Variants in AOAH observed in about 807,000 individuals in gnomAD.
The protein encoded by AOAH is acyloxyacyl hydrolase (neutrophil).
In AOAH, 64 loss-of-function variants were observed where a neutral mutation model predicts 92.2. The ratio of observed to expected loss-of-function variants is 0.69; its 90% CI spans 0.57 to 0.86. AOAH has a LOEUF of 0.86. Ranked by LOEUF, AOAH falls within the 40% of genes least tolerant of loss-of-function variation. AOAH has a pLI of 0.00. For missense variants in AOAH, 656 were observed against 694.6 expected (o/e 0.94, Z 0.62); for synonymous variants, 263 against 254.5 (o/e 1.03, Z -0.32).
rs186914603 is a variant in AOAH, at chr7:36,532,255, C to A, written c.1365+31G>T. On this transcript the variant is annotated intron_variant, in intron 17 of 20. Coordinates refer to ENST00000617537, the MANE Select transcript of AOAH (RefSeq NM_001637.4). ...ATTACAGAGGATCAGGGTAGGTAAG[C>A]GGGCCTTGAAGCAAGCCAGTGAGTG... 3.1e-6 allele frequency: 5 copies of A among 1,613,962 alleles called. No homozygotes were observed. In the African/African-American group the frequency reaches 5.3e-5, roughly 17 times the overall value.
chr7:36,585,715 C>T (rs918460193), intron 12 of AOAH, among the ~76,000 whole-genome samples: 1 of 152,100 alleles, frequency 6.6e-6, no homozygotes, highest in South Asian at 2.1e-4. Flanking sequence ...AATATGATAG[C>T]CTTTATGGGA....
In AOAH at chr7:36,595,309, G is replaced by C. The variant is rs563839978; in HGVS notation, c.847-879C>G. Among the ~76,000 whole-genome samples the C allele has an allele frequency of 4.6e-5, 7 of 152,296 alleles. No individual in the cohort carries two copies. The East Asian group carries it at 1.4e-3, about 29-fold the overall frequency. ...AGCACTTTGGGAGGCTGAAGCAGGAGGACTGCTTGAGCCTAGGAGTTTGAG... is the reference window on the plus strand; with the variant it reads ...AGCACTTTGGGAGGCTGAAGCAGGACGACTGCTTGAGCCTAGGAGTTTGAG... On this transcript the variant is annotated intron_variant, in intron 11 of 20. Coordinates refer to ENST00000617537, the MANE Select transcript of AOAH (RefSeq NM_001637.4).
At chr7:36,640,111 T>C (rs1189601704) in intron 4 of AOAH, among the ~76,000 whole-genome samples, 1 of 151,668 alleles carries the variant, frequency 6.6e-6, no homozygotes, top group Non-Finnish European at 1.5e-5. Context: ...TTGGTGCACA[T>C]GGGGGTGGCA....
rs868766254 is a variant in AOAH, at chr7:36,684,947, A to G, written c.223+1752T>C. Among the ~76,000 whole-genome samples, 5 of 83,456 alleles carry G rather than the reference A, an allele frequency of 6.0e-5. No individual in the cohort carries two copies. In the South Asian group the frequency reaches 1.5e-3, roughly 25 times the overall value. The allele number at this position is 83,456 out of a possible 152,430, so 54.8% of individuals were successfully genotyped here. The stretch of plus-strand genomic sequence containing the variant: ...AAAAAAAAAAAAAAAAAAGAAGAAG[A>G]AGAAGAAGAAGAAGAAGAGAGAAAA... On this transcript the variant is annotated intron_variant, in intron 2 of 20. Coordinates refer to ENST00000617537, the MANE Select transcript of AOAH (RefSeq NM_001637.4).
intron 18 of AOAH, 45 bp downstream of exon 18, chr7:36,532,102 A>G: frequency 1.9e-6 from 3 of 1,606,992 alleles, no homozygotes; most frequent in Non-Finnish European, 1.7e-6. Context: ...AAACACAGGG[A>G]AAGAATGATC....
At chr7:36,525,572 G>A (rs1242365985) in intron 19 of AOAH, among the ~76,000 whole-genome samples, 1 of 147,918 alleles carries the variant, frequency 6.8e-6, no homozygotes, top group African/African-American at 2.7e-5. Flanking sequence ...TCAGATATCA[G>A]AGTTAGTGAT....
At chr7:36,691,585 G>A (rs1584127744) in intron 1 of AOAH, among the ~76,000 whole-genome samples, 1 of 152,128 alleles carries the variant, frequency 6.6e-6, no homozygotes, top group Non-Finnish European at 1.5e-5. Flanking sequence ...TAGAAGAATT[G>A]GGAGGTCAGA....
chr7:36,714,606 T>C (rs574222416), intron 1 of AOAH, among the ~76,000 whole-genome samples: 61 of 152,182 alleles, frequency 4.0e-4, no homozygotes, highest in South Asian at 2.1e-3. Flanking sequence ...AAATCCAGCC[T>C]CACATCAAAA....
intron 11 of AOAH, among the ~76,000 whole-genome samples, chr7:36,598,898 ACTC>A (rs1790340506): frequency 6.6e-6 from 1 of 152,148 alleles, no homozygotes; most frequent in African/African-American, 2.4e-5. Context: ...TTCCTCATCA[ACTC>A]CTGCTTATTC....
chr7:36,591,324 G>C (rs1299300135), intron 12 of AOAH, among the ~76,000 whole-genome samples: 1 of 152,210 alleles, frequency 6.6e-6, no homozygotes, highest in East Asian at 1.9e-4. Flanking sequence ...ACAGGACTTA[G>C]AGTCAACACT....
At chr7:36,627,393 T>G (rs1792748303) in intron 6 of AOAH, among the ~76,000 whole-genome samples, 1 of 152,046 alleles carries the variant, frequency 6.6e-6, no homozygotes. Flanking sequence ...AGCTCCGGGT[T>G]CTGAAATTAG....
At chr7:36,676,367 T>A (rs1196273168) in intron 2 of AOAH, among the ~76,000 whole-genome samples, 2 of 152,124 alleles carry the variant, frequency 1.3e-5, no homozygotes, top group Non-Finnish European at 2.9e-5. Flanking sequence ...TACAGTAGCA[T>A]CAAAAAGAAC....
chr7:36,623,261 G>T lies in AOAH; in HGVS notation c.522-11C>A. 6.2e-7 allele frequency: 1 copy of T among 1,612,404 alleles called. No individual in the cohort carries two copies. On this transcript the variant is annotated splice_polypyrimidine_tract_variant and intron_variant, in intron 6 of 20. Coordinates refer to ENST00000617537, the MANE Select transcript of AOAH (RefSeq NM_001637.4). The stretch of plus-strand genomic sequence containing the variant: ...GACTGTTCCATAGCTCTAGGAAAAA[G>T]AAAACAAAACAATCGGTGAGCTAAC...
chr7:36,528,354 G>A (rs138413488), intron 19 of AOAH, among the ~76,000 whole-genome samples: 1 of 152,304 alleles, frequency 6.6e-6, no homozygotes, highest in African/African-American at 2.4e-5. Flanking sequence ...TATTATTGCT[G>A]TGAGGACAAG....
chr7:36,622,126 A>T (rs1792328709), intron 7 of AOAH, among the ~76,000 whole-genome samples: 1 of 152,058 alleles, frequency 6.6e-6, no homozygotes, highest in South Asian at 2.1e-4. Context: ...GCACGTGTAT[A>T]TGCATGTGTG....
At chr7:36,694,423 G>T (rs10248936) in intron 1 of AOAH, among the ~76,000 whole-genome samples, 2,596 of 152,242 alleles carry the variant, frequency 0.017, 81 homozygotes, top group African/African-American at 0.06. Flanking sequence ...GCTTGAACCT[G>T]GGAGGTGGAG....
intron 16 of AOAH, 69 bp from the exon 17 acceptor site, chr7:36,532,413 C>A: frequency 1.4e-6 from 2 of 1,420,136 alleles, no homozygotes; most frequent in Non-Finnish European, 2.0e-6. Context: ...CACCTGGGGG[C>A]TTCCCTGCCT....
At chr7:36,643,281 A>G (rs1412030037) in intron 4 of AOAH, among the ~76,000 whole-genome samples, 1 of 152,224 alleles carries the variant, frequency 6.6e-6, no homozygotes, top group Non-Finnish European at 1.5e-5. Flanking sequence ...TCTAGTTTCT[A>G]GACTCTAGTG....
chr7:36,675,233 G>T (rs984344250), intron 2 of AOAH, among the ~76,000 whole-genome samples: 3 of 152,222 alleles, frequency 2.0e-5, no homozygotes, highest in Non-Finnish European at 4.4e-5. Context: ...TCCAGCCTGG[G>T]CAACAAGAGT....
Sources: gnomAD v4.1 joint callset for allele counts (sites outside exome capture counted in the v4.1 genomes callset) on GRCh38, gnomAD v4.1.1 for gene constraint, MANE v1.5 for transcripts, NCBI Gene and HGNC (gene_info 2026-07-23, HGNC 2026-07-21) for gene names.